Variants in GRM8 observed in about 807,000 individuals in gnomAD.
The protein encoded by GRM8 is metabotropic glutamate receptor 8.
Under a neutral mutation model 87.2 loss-of-function variants are expected in GRM8, and 47 were observed. The ratio of observed to expected loss-of-function variants is 0.54; its 90% CI spans 0.43 to 0.69. The LOEUF (loss-of-function observed/expected upper bound fraction) is 0.69, where lower values mean the gene tolerates loss of function less well. Ranked by LOEUF, GRM8 falls within the 30% of genes least tolerant of loss-of-function variation. The pLI, the probability that GRM8 is intolerant of heterozygous loss-of-function variation, is 0.00. For missense variants in GRM8, 1,019 were observed against 1,139.2 expected, an observed-to-expected ratio of 0.89 and a Z score of 1.52; for synonymous variants, 396 against 404.5, an observed-to-expected ratio of 0.98 and a Z score of 0.25.
At chr7:127,090,046 T>C (rs1368335185) in intron 3 of GRM8, among the ~76,000 whole-genome samples, 1 of 152,214 alleles carries the variant, frequency 6.6e-6, no homozygotes, top group African/African-American at 2.4e-5. Flanking sequence ...CCATCCTCCA[T>C]GCCTGGGACC....
At chr7:126,497,809 TGA>T (rs755203331) in intron 9 of GRM8, among the ~76,000 whole-genome samples, 1 of 151,952 alleles carries the variant, frequency 6.6e-6, no homozygotes, top group Non-Finnish European at 1.5e-5. Context: ...CCTATGATGC[TGA>T]GAGTGCCCTA....
intron 7 of GRM8, among the ~76,000 whole-genome samples, chr7:126,633,214 A>C (rs763066790): frequency 1.3e-5 from 2 of 152,044 alleles, no homozygotes; most frequent in Non-Finnish European, 2.9e-5. Context: ...TCCCCCATAA[A>C]GTGGAGAAGA....
rs142800219 is a variant in GRM8 at position 127,142,014 on chromosome 7, G to C, written c.511-35302C>G. On this transcript the variant is annotated intron_variant, in intron 2 of 10. Coordinates refer to ENST00000339582, the MANE Select transcript of GRM8 (RefSeq NM_000845.3). ...GTTTTTTTTTAAGAGACCGGGTCTT[G>C]GTCTGTCACTCAGCCTGGAGTACAG... Among the ~76,000 whole-genome samples, 101 of 152,032 alleles carry C rather than the reference G, an allele frequency of 6.6e-4. 1 individual carries two copies. Among genetic ancestry groups the C allele is most frequent in the African/African-American group, 2.4e-3 (98 of 41,490 alleles).
rs77606316 is a variant in GRM8 at position 127,005,673 on chromosome 7, G to A, written c.727+100823C>T. ...ACTAGTTCACTGTATACCTCTCCAC[G>A]ACTACTCCATGCACTAGCTTTAGTA... On this transcript the variant is annotated intron_variant, in intron 3 of 10. Coordinates refer to ENST00000339582, the MANE Select transcript of GRM8 (RefSeq NM_000845.3). 6.2e-3 allele frequency among the ~76,000 whole-genome samples: 948 copies of A among 151,736 alleles called. 5 individuals are homozygous for A. Among genetic ancestry groups the A allele is most frequent in the Non-Finnish European group, 7.9e-3 (538 of 67,792 alleles).
intron 3 of GRM8, among the ~76,000 whole-genome samples, chr7:127,043,923 AG>A (rs146185561): frequency 0.066 from 10,090 of 152,278 alleles, 465 homozygotes; most frequent in Middle Eastern, 0.099. Flanking sequence ...GGAGTCCTAA[AG>A]GGGGAGCTGG....
chr7:126,665,612 A>G (rs1204332680), intron 7 of GRM8, among the ~76,000 whole-genome samples: 1 of 152,084 alleles, frequency 6.6e-6, no homozygotes, highest in African/African-American at 2.4e-5. Flanking sequence ...AGAAGGAAAG[A>G]AGGAGGGCGG....
intron 3 of GRM8, among the ~76,000 whole-genome samples, chr7:127,040,345 G>T (rs1388559100): frequency 1.3e-5 from 2 of 152,030 alleles, no homozygotes; most frequent in African/African-American, 4.8e-5. Context: ...CACCACACTG[G>T]AAGACCTCCA....
At chr7:126,843,163 C>T (rs1406127111) in intron 6 of GRM8, among the ~76,000 whole-genome samples, 1 of 152,132 alleles carries the variant, frequency 6.6e-6, no homozygotes, top group African/African-American at 2.4e-5. Flanking sequence ...GACAAATATG[C>T]TCTATGAAGT....
At chr7:127,051,720 T>C (rs1819489735) in intron 3 of GRM8, among the ~76,000 whole-genome samples, 1 of 33,012 alleles carries the variant, frequency 3.0e-5, no homozygotes, top group African/African-American at 1.4e-4. Context: ...CAGAGAAATC[T>C]CAAAAACATA....
chr7:126,493,034 T>C (rs1013364013), intron 9 of GRM8, among the ~76,000 whole-genome samples: 1 of 152,048 alleles, frequency 6.6e-6, no homozygotes, highest in Non-Finnish European at 1.5e-5. Flanking sequence ...TGGATAAAGT[T>C]GAGAATTTTT....
intron 7 of GRM8, among the ~76,000 whole-genome samples, chr7:126,680,321 A>G (rs1807412076): frequency 6.6e-6 from 1 of 152,208 alleles, no homozygotes; most frequent in Admixed American, 6.5e-5. Flanking sequence ...CTTCAATAAG[A>G]GTGTTGAAAT....
chr7:126,785,116 G>A (rs1349918790), intron 6 of GRM8, among the ~76,000 whole-genome samples: 1 of 152,088 alleles, frequency 6.6e-6, no homozygotes, highest in Non-Finnish European at 1.5e-5. Context: ...GTGGACTCCT[G>A]GGCTCAAGCA....
At chr7:127,039,644 G>C (rs910060414) in intron 3 of GRM8, among the ~76,000 whole-genome samples, 1 of 118,928 alleles carries the variant, frequency 8.4e-6, no homozygotes, top group African/African-American at 3.3e-5. Flanking sequence ...AGAAGGGGAA[G>C]GGGAAGGGCA....
chr7:126,631,925 T>A (rs939315045), intron 7 of GRM8, among the ~76,000 whole-genome samples: 18 of 151,790 alleles, frequency 1.2e-4, no homozygotes, highest in African/African-American at 4.1e-4. Flanking sequence ...AAACTATAAA[T>A]CCCTAGAAGA....
At chr7:126,669,241 G>A (rs1000323329) in intron 7 of GRM8, among the ~76,000 whole-genome samples, 4 of 151,864 alleles carry the variant, frequency 2.6e-5, no homozygotes, top group Admixed American at 1.3e-4. Flanking sequence ...CCTAGATAAC[G>A]GTTTCATAGG....
At chr7:126,925,628 A>G (rs1045287677) in intron 3 of GRM8, among the ~76,000 whole-genome samples, 9 of 152,232 alleles carry the variant, frequency 5.9e-5, no homozygotes, top group Non-Finnish European at 1.3e-4. Context: ...TCCATAAATT[A>G]TTAATGTGCA....
intron 9 of GRM8, among the ~76,000 whole-genome samples, chr7:126,527,975 G>A (rs923706197): frequency 2.6e-5 from 4 of 152,280 alleles, no homozygotes; most frequent in African/African-American, 9.6e-5. Context: ...GGAGGCTAAG[G>A]CGGGCGGATC....
intron 7 of GRM8, among the ~76,000 whole-genome samples, chr7:126,753,173 C>T (rs570726468): frequency 6.6e-6 from 1 of 151,948 alleles, no homozygotes; most frequent in African/African-American, 2.4e-5. Flanking sequence ...AATTCCTTGA[C>T]TATCTGTGAG....
intron 8 of GRM8, among the ~76,000 whole-genome samples, chr7:126,548,849 C>A (rs1363051375): frequency 6.6e-6 from 1 of 151,994 alleles, no homozygotes; most frequent in East Asian, 1.9e-4. Context: ...CTGCCATCTT[C>A]GAAACGAGCT....
Sources: gnomAD v4.1 joint callset for allele counts (sites outside exome capture counted in the v4.1 genomes callset) on GRCh38, gnomAD v4.1.1 for gene constraint, MANE v1.5 for transcripts, NCBI Gene and HGNC (gene_info 2026-07-23, HGNC 2026-07-21) for gene names.